The following UBN1 variants were observed in gnomAD, a reference collection of about 807,000 sequenced individuals.
UBN1 encodes the protein ubinuclein 1.
UBN1 carries 17 observed loss-of-function variants against 108.5 expected under a neutral mutation model. That is an observed-to-expected ratio of 0.16 (90% confidence interval 0.11 to 0.24). The LOEUF (loss-of-function observed/expected upper bound fraction) is 0.24, where lower values mean the gene tolerates loss of function less well. Ranked by LOEUF, UBN1 falls within the 10% of genes least tolerant of loss-of-function variation. The probability of loss-of-function intolerance (pLI) is 1.00; values close to 1 mark genes in which losing one functional copy is unlikely to be tolerated. For missense variants in UBN1, 1,595 were observed against 1,394.4 expected (o/e 1.14, Z -2.29); for synonymous variants, 726 against 564.2 (o/e 1.29, Z -4.07).
chr16:4,868,856 G>A lies in UBN1; in HGVS notation c.1134G>A (p.Glu378=). The A allele has an allele frequency of 6.2e-7, 1 of 1,613,894 alleles. No individual in the cohort carries two copies. Among genetic ancestry groups the A allele is most frequent in the Non-Finnish European group, 8.5e-7 (1 of 1,179,848 alleles). The change falls in exon 8 of 18, where the codon GAG becomes GAA. Residue 378 remains glutamate (E), a synonymous_variant. Transcript: ENST00000262376. ...AGGCTGCCAGAGCTGCTGAGGGGGA[G>A]AGCAGACAGAAGTTCTTCACCCAGG... ...LAQAARAAEG[E]SRQKFFTQDI...
At chr16:4,853,533 C>T (rs1483618275) in intron 2 of UBN1, among the ~76,000 whole-genome samples, 1 of 150,710 alleles carries the variant, frequency 6.6e-6, no homozygotes, top group African/African-American at 2.4e-5. Context: ...GACAAAAAAA[C>T]ACGTAGACTG....
chr16:4,861,761 G>T (rs945998987), intron 7 of UBN1, among the ~76,000 whole-genome samples: 4 of 152,222 alleles, frequency 2.6e-5, no homozygotes, highest in African/African-American at 9.7e-5. Context: ...GGCCAACATG[G>T]TGAAACCCTG....
chr16:4,861,081 G>T lies in UBN1; in HGVS notation c.1089G>T (p.Lys363Asn). 4.3e-6 allele frequency: 7 copies of T among 1,613,444 alleles called. No homozygotes were observed. The highest frequency in any genetic ancestry group is 5.9e-6 in the Non-Finnish European group (7 of 1,179,826). Reference sequence around the variant, plus strand: ...AAGGCCTGCCAGCACCCCTGGAGAAGCGCGTTAAGGAGCTGGCTCAGGTAT... The same window carrying T: ...AAGGCCTGCCAGCACCCCTGGAGAATCGCGTTAAGGAGCTGGCTCAGGTAT... ...LPEGLPAPLE[K>N]RVKELAQAAR... Residue 363 changes from lysine to asparagine, a missense_variant, in exon 7 of 18, where the codon AAG becomes AAT. Physicochemically the swap from Lys to Asn is moderately conservative, Grantham distance 94. Transcript: ENST00000262376.
At chr16:4,868,126 TC>T (rs1409881143) in intron 7 of UBN1, among the ~76,000 whole-genome samples, 1 of 152,206 alleles carries the variant, frequency 6.6e-6, no homozygotes, top group African/African-American at 2.4e-5. Context: ...GATGCAGACT[TC>T]CACAGGGTCT....
At position 4,880,082 on chromosome 16, in the gene UBN1, G is replaced by A; in HGVS notation, c.3356-1G>A. The A allele has an allele frequency of 6.2e-7, 1 of 1,614,040 alleles. No homozygotes were observed. Among genetic ancestry groups the A allele is most frequent in the Non-Finnish European group, 8.5e-7 (1 of 1,180,000 alleles). On this transcript the variant is annotated splice_acceptor_variant, in intron 17 of 17. Transcript: ENST00000262376. LOFTEE classifies it high-confidence loss of function. ...TTCTAATTTTTCTTACTCTTTTCCA[G>A]GTGCTTCTCAGCTTCACGGGAAAGG...
At chr16:4,859,747 T>C in intron 5 of UBN1, 118 bp from the exon 6 acceptor site, 2 of 1,482,556 alleles carry the variant, frequency 1.3e-6, no homozygotes, top group African/African-American at 1.4e-5. Context: ...CTTTTGTTCA[T>C]GAAGGAAATG....
In UBN1 at chr16:4,877,032, C is replaced by G. The variant is rs376130268; in HGVS notation, c.3186C>G (p.Ser1062=). ...ATGTGCTCTCCTTCAGCGCTGACTC[C>G]TCTGCCAAAGCAGGGGTCTCCAAGG... ...PVHVLSFSAD[S]SAKAGVSKDA... The change falls in exon 16 of 18, where the codon TCC becomes TCG. Residue 1062 remains serine, a synonymous_variant. Transcript: ENST00000262376. The surrounding 1 kb of genome is among the most constrained non-coding windows in gnomAD (Gnocchi z 4.3). 4.3e-6 allele frequency: 7 copies of G among 1,614,118 alleles called. No individual in the cohort carries two copies. Among genetic ancestry groups the G allele is most frequent in the African/African-American group, 4.0e-5 (3 of 74,946 alleles).
chr16:4,855,323 G>C (rs893379166), intron 2 of UBN1, among the ~76,000 whole-genome samples: 1 of 152,076 alleles, frequency 6.6e-6, no homozygotes, highest in South Asian at 2.1e-4. Flanking sequence ...TTAAAAAAAT[G>C]TGTTTTCTTG....
chr16:4,876,267 A>G (rs1018095448), intron 15 of UBN1, among the ~76,000 whole-genome samples: 5 of 151,922 alleles, frequency 3.3e-5, no homozygotes, highest in Non-Finnish European at 7.4e-5. Flanking sequence ...CTCTTTTTCT[A>G]ATATATAAAT....
chr16:4,861,108 G>A lies in UBN1; in HGVS notation c.1110+6G>A. On this transcript the variant is annotated splice_donor_region_variant and intron_variant, in intron 7 of 17. Coordinates refer to ENST00000262376, the MANE Select transcript of UBN1 (RefSeq NM_001079514.3). The stretch of plus-strand genomic sequence containing the variant: ...GCGTTAAGGAGCTGGCTCAGGTATG[G>A]TGGCACAGTGCGGCTGGGCTTTCCT... The A allele has an allele frequency of 1.2e-6, 2 of 1,609,678 alleles. No homozygotes were observed. The highest frequency in any genetic ancestry group is 2.2e-5 in the East Asian group (1 of 44,812).
Position 4,864,639 on chromosome 16 carries a change from C to T in UBN1, c.1110+3537C>T, listed in dbSNP as rs528258289. ...CTGACAAAGCTCAGGTTTGATGCTC[C>T]TTTGGGTTATTGTCTTGAGGTAGTT... On this transcript the variant is annotated intron_variant, in intron 7 of 17. Coordinates refer to ENST00000262376, the MANE Select transcript of UBN1 (RefSeq NM_001079514.3). 8.5e-5 allele frequency among the ~76,000 whole-genome samples: 13 copies of T among 152,230 alleles called. No homozygotes were observed. The East Asian group carries it at 2.5e-3, about 29-fold the overall frequency.
chr16:4,847,611 G>A lies in UBN1; in HGVS notation c.-639G>A, dbSNP rs1330610921. 2 of 316,722 alleles carry A rather than the reference G, an allele frequency of 6.3e-6. No individual in the cohort carries two copies. The highest frequency in any genetic ancestry group is 1.2e-5 in the Non-Finnish European group (2 of 172,278). The allele number at this position is 316,722 out of a possible 1,614,324, so 19.6% of individuals were successfully genotyped here. ...GCGGCTCGCCCCGCCCCCGGGTCTT[G>A]GACTCCGCGCCCCTCCCCTCTCGGC... On this transcript the variant is annotated 5_prime_UTR_variant, in exon 1 of 18. Coordinates refer to ENST00000262376, the MANE Select transcript of UBN1 (RefSeq NM_001079514.3).
rs2088034812 is a variant in UBN1, at chr16:4,880,111, T to G, written c.3384T>G (p.Pro1128=). ...PGASQLHGKG[P]AVPRKL is the part of the protein sequence containing the mutation. ...CTTCTCAGCTTCACGGGAAAGGGCCTGCTGTACCACGGAAATTGTGACCGC... is the reference window on the plus strand; with the variant it reads ...CTTCTCAGCTTCACGGGAAAGGGCCGGCTGTACCACGGAAATTGTGACCGC... The change falls in exon 18 of 18, where the codon CCT becomes CCG. Residue 1128 remains proline, a synonymous_variant. Transcript: ENST00000262376. 1 of 1,613,990 alleles carries G rather than the reference T, an allele frequency of 6.2e-7. No homozygotes were observed. Among genetic ancestry groups the G allele is most frequent in the South Asian group, 1.1e-5 (1 of 91,074 alleles).
Position 4,877,789 on chromosome 16 carries a change from T to A in UBN1, c.3355+315T>A. ...TCCTAACCCTCGGCTTGTTTTTTTCTCTTCAGTTTAAAAAAAAAAAAAAAG... is the reference window on the plus strand; with the variant it reads ...TCCTAACCCTCGGCTTGTTTTTTTCACTTCAGTTTAAAAAAAAAAAAAAAG... On this transcript the variant is annotated intron_variant, in intron 17 of 17. Transcript: ENST00000262376. The surrounding 1 kb of genome is among the most constrained non-coding windows in gnomAD (Gnocchi z 4.3). 41 of 1,032,468 alleles carry A rather than the reference T, an allele frequency of 4.0e-5. No individual in the cohort carries two copies. Among genetic ancestry groups the A allele is most frequent in the East Asian group, 2.7e-4 (4 of 14,658 alleles). 64.0% of individuals were successfully genotyped at this position (1,032,468 alleles called of 1,614,324 possible).
rs141714802 is a variant in UBN1, at chr16:4,874,838, G to A, written c.2428G>A (p.Gly810Ser). 3.3e-4 allele frequency: 536 copies of A among 1,613,854 alleles called. No individual in the cohort carries two copies. Among genetic ancestry groups the A allele is most frequent in the Middle Eastern group, 4.9e-4 (3 of 6,084 alleles). The change falls in exon 15 of 18, where the codon GGC becomes AGC. Residue 810 changes from glycine (G) to serine (S), a missense_variant. Coordinates refer to ENST00000262376, the MANE Select transcript of UBN1 (RefSeq NM_001079514.3). ...PGPQVKVFHA[G>S]TQQQKNFTPP... ...CCCCCAGGTCAAAGTCTTTCATGCC[G>A]GCACTCAGCAGCAGAAAAACTTCAC... is the stretch of plus-strand genomic sequence containing the variant.
At chr16:4,851,364 C>T (rs915016432) in intron 1 of UBN1, among the ~76,000 whole-genome samples, 2 of 152,122 alleles carry the variant, frequency 1.3e-5, no homozygotes, top group South Asian at 2.1e-4. Flanking sequence ...GTAGGAGGAT[C>T]GCTTTAGCTT....
chr16:4,876,854 C>G lies in UBN1; in HGVS notation c.3025-17C>G. ...ACAGGACTGGAGTTCTTACCGCTTG[C>G]TGTGTTTCTTCCCTAGAAAGGAGCG... On this transcript the variant is annotated splice_polypyrimidine_tract_variant and intron_variant, in intron 15 of 17. Transcript: ENST00000262376. The G allele has an allele frequency of 1.3e-6, 2 of 1,565,340 alleles. No homozygotes were observed. The highest frequency in any genetic ancestry group is 1.7e-6 in the Non-Finnish European group (2 of 1,155,378).
In UBN1 at chr16:4,856,232, G is replaced by C. The variant is rs145410744; in HGVS notation, c.250-1758G>C. Among the ~76,000 whole-genome samples, 322 of 152,304 alleles carry C rather than the reference G, an allele frequency of 2.1e-3. 2 individuals carry two copies. Among genetic ancestry groups the C allele is most frequent in the African/African-American group, 7.0e-3 (291 of 41,562 alleles). Reference sequence around the variant, plus strand: ...TGATGTCACCTTTTTGGGGACTACAGATGCCCTTCACCATTGCAGAAAAAT... The same window carrying C: ...TGATGTCACCTTTTTGGGGACTACACATGCCCTTCACCATTGCAGAAAAAT... On this transcript the variant is annotated intron_variant, in intron 2 of 17. Transcript: ENST00000262376.
At position 4,874,546 on chromosome 16, in the gene UBN1, A is replaced by C. The variant is rs147028247; in HGVS notation, c.2136A>C (p.Thr712=). The C allele has an allele frequency of 6.2e-7, 1 of 1,614,242 alleles. No homozygotes were observed. The highest frequency in any genetic ancestry group is 2.2e-5 in the East Asian group (1 of 44,886). Reference sequence around the variant, plus strand: ...AAAAAGTTGGAGGCGTTTTATGTACAGAAGAAAAAAGGAACTTTGCGAAGC... The same window carrying C: ...AAAAAGTTGGAGGCGTTTTATGTACCGAAGAAAAAAGGAACTTTGCGAAGC... ...PAEKVGGVLC[T]EEKRNFAKPS... is the part of the protein sequence containing the mutation. Residue 712 remains threonine, a synonymous_variant, in exon 15 of 18, where the codon ACA becomes ACC. Coordinates refer to ENST00000262376, the MANE Select transcript of UBN1 (RefSeq NM_001079514.3).
Sources: gnomAD v4.1 joint callset for allele counts (sites outside exome capture counted in the v4.1 genomes callset) on GRCh38, gnomAD v4.1.1 for gene constraint, Gnocchi (gnomAD v3.1) non-coding constraint, MANE v1.5 for transcripts, NCBI Gene and HGNC (gene_info 2026-07-23, HGNC 2026-07-21) for gene names.